TNRC6A: variants seen among roughly 807,000 people sequenced by gnomAD.
The protein encoded by TNRC6A is trinucleotide repeat-containing gene 6A protein.
A neutral mutation model predicts 221.2 loss-of-function variants in TNRC6A; 44 were observed. The observed-to-expected ratio is 0.20, with a 90% CI of 0.16 to 0.26. The LOEUF (loss-of-function observed/expected upper bound fraction) is 0.26, where lower values mean the gene tolerates loss of function less well. Ranked by LOEUF, TNRC6A falls within the 10% of genes least tolerant of loss-of-function variation. TNRC6A has a pLI of 1.00. For synonymous variants in TNRC6A, 847 were observed against 838.5 expected (o/e 1.01, Z -0.18); for missense variants, 2,199 against 2,404.4 (o/e 0.91, Z 1.79).
chr16:24,821,931 C>G lies in TNRC6A; in HGVS notation c.5303-146C>G, dbSNP rs969778821. ...AATGCCTGGCCATGGCTAGGGCGAG[C>G]TGAAATTCTGGGCCTAGGGAGAAAG... On this transcript the variant is annotated intron_variant, in intron 22 of 24. Coordinates refer to ENST00000395799, the MANE Select transcript of TNRC6A (RefSeq NM_014494.4). 9.5e-6 allele frequency: 7 copies of G among 737,454 alleles called. No individual in the cohort carries two copies. The Admixed American group carries it at 1.7e-4, about 17-fold the overall frequency. 45.7% of individuals were successfully genotyped at this position (737,454 alleles called of 1,614,324 possible). A position where few individuals can be genotyped will look rare whatever the true frequency, so the allele number is the denominator to read the frequency against.
In TNRC6A at chr16:24,823,407, T is replaced by C; in HGVS notation, c.5514-25T>C. Reference sequence around the variant, plus strand: ...GCCCTCCTGGTGTGCTGTCCTCACGTGTCCGCGGTGCCTCTCTCCTCTAGG... The same window carrying C: ...GCCCTCCTGGTGTGCTGTCCTCACGCGTCCGCGGTGCCTCTCTCCTCTAGG... On this transcript the variant is annotated intron_variant, in intron 24 of 24. Coordinates refer to ENST00000395799, the MANE Select transcript of TNRC6A (RefSeq NM_014494.4). The surrounding 1 kb of genome is among the most constrained non-coding windows in gnomAD (Gnocchi z 4.3). The C allele has an allele frequency of 6.3e-7, 1 of 1,586,178 alleles. No individual in the cohort carries two copies. The highest frequency in any genetic ancestry group is 8.6e-7 in the Non-Finnish European group (1 of 1,163,724).
intron 5 of TNRC6A, among the ~76,000 whole-genome samples, chr16:24,780,773 GAAAA>G (rs2057824562): frequency 6.7e-6 from 1 of 150,040 alleles, no homozygotes; most frequent in African/African-American, 2.5e-5. Context: ...TTTTTTTAAA[GAAAA>G]AGACATTTGA....
chr16:24,626,915 G>A (rs928478413), intron 1 of TNRC6A, among the ~76,000 whole-genome samples: 2 of 148,676 alleles, frequency 1.3e-5, no homozygotes, highest in Non-Finnish European at 3.0e-5. Flanking sequence ...GCCTCCCAAA[G>A]TGCTGGGATT....
chr16:24,747,238 C>T (rs2057032944), intron 2 of TNRC6A, among the ~76,000 whole-genome samples: 1 of 152,156 alleles, frequency 6.6e-6, no homozygotes, highest in Non-Finnish European at 1.5e-5. Context: ...TTGTAATTAT[C>T]ACTCCAATCA....
chr16:24,641,898 C>T (rs1427997471), intron 2 of TNRC6A, among the ~76,000 whole-genome samples: 1 of 152,076 alleles, frequency 6.6e-6, no homozygotes, highest in African/African-American at 2.4e-5. Flanking sequence ...TGGCAGGTGG[C>T]CAGAGAAGCT....
chr16:24,697,778 A>G (rs2055890974), intron 2 of TNRC6A, among the ~76,000 whole-genome samples: 1 of 152,110 alleles, frequency 6.6e-6, no homozygotes, highest in African/African-American at 2.4e-5. Flanking sequence ...ATGGTGGCTC[A>G]CGCCTGTAAT....
At chr16:24,796,081 T>A (rs2058213825) in intron 9 of TNRC6A, 142 bp downstream of exon 9, 1 of 886,170 alleles carries the variant, frequency 1.1e-6, no homozygotes, top group Non-Finnish European at 1.8e-6. Context: ...GATATGAGTT[T>A]CACCTTTCGG....
chr16:24,669,617 C>T (rs1258960979), intron 2 of TNRC6A, among the ~76,000 whole-genome samples: 2 of 152,066 alleles, frequency 1.3e-5, no homozygotes, highest in Non-Finnish European at 2.9e-5. Flanking sequence ...GTCTTCTCAG[C>T]CTTTGCTCCC....
At chr16:24,640,166 A>G (rs779816609) in intron 1 of TNRC6A, among the ~76,000 whole-genome samples, 10 of 151,886 alleles carry the variant, frequency 6.6e-5, no homozygotes, top group Non-Finnish European at 1.2e-4. Context: ...TTGGGAGGCC[A>G]AGGCAGGTGG....
intron 4 of TNRC6A, among the ~76,000 whole-genome samples, chr16:24,774,237 T>G (rs951676633): frequency 1.3e-5 from 2 of 152,236 alleles, no homozygotes; most frequent in African/African-American, 2.4e-5. Context: ...CTACGTTCAC[T>G]GTTTACTCCT....
chr16:24,630,023 G>A (rs1475266386), intron 1 of TNRC6A, among the ~76,000 whole-genome samples: 1 of 151,800 alleles, frequency 6.6e-6, no homozygotes, highest in Non-Finnish European at 1.5e-5. Context: ...CCATTTTTAA[G>A]TGTCCTACAT....
chr16:24,618,039 A>G (rs1388062319), intron 1 of TNRC6A, among the ~76,000 whole-genome samples: 1 of 152,156 alleles, frequency 6.6e-6, no homozygotes, highest in Non-Finnish European at 1.5e-5. Flanking sequence ...CTGGAATTAC[A>G]GGCGTGCGGC....
chr16:24,703,035 AAAAAT>A (rs71156434), intron 2 of TNRC6A, among the ~76,000 whole-genome samples: 14,432 of 147,692 alleles, frequency 0.098, 994 homozygotes, highest in African/African-American at 0.18. Context: ...ACTCTGTGTC[AAAAAT>A]AAAATAAAAT....
chr16:24,777,078 G>C lies in TNRC6A; in HGVS notation c.309G>C (p.Gln103His), dbSNP rs1272426800. The change falls in exon 5 of 25, where the codon CAG (glutamine) becomes CAC (histidine). Residue 103 changes from glutamine (Q) to histidine (H), a missense_variant. Coordinates refer to ENST00000395799, the MANE Select transcript of TNRC6A (RefSeq NM_014494.4). Reference protein sequence around the residue: ...QQPQQQQQQQQPQQQQPQQQP... With the variant: ...QQPQQQQQQQHPQQQQPQQQP... ...CACAGCAGCAGCAGCAACAGCAGCA[G>C]CCGCAGCAGCAGCAGCCACAGCAGC... The C allele has an allele frequency of 1.2e-6, 2 of 1,605,352 alleles. No homozygotes were observed. The highest frequency in any genetic ancestry group is 1.7e-6 in the Non-Finnish European group (2 of 1,174,210).
chr16:24,730,193 C>T (rs2056595014), intron 1 of TNRC6A, 60 bp from the exon 2 acceptor site: 1 of 1,523,656 alleles, frequency 6.6e-7, no homozygotes, highest in Admixed American at 2.1e-5. Context: ...CGTTTTCACG[C>T]GCATCTCGTT....
chr16:24,647,235 A>G (rs1481960739), intron 2 of TNRC6A, among the ~76,000 whole-genome samples: 2 of 152,080 alleles, frequency 1.3e-5, no homozygotes, highest in Non-Finnish European at 2.9e-5. Flanking sequence ...CCAGCCTAAA[A>G]TATCTTTTTA....
chr16:24,614,149 C>T (rs1900220319), intron 1 of TNRC6A, among the ~76,000 whole-genome samples: 2 of 152,176 alleles, frequency 1.3e-5, no homozygotes, highest in Admixed American at 1.3e-4. Flanking sequence ...ATTGACCAGG[C>T]CACGTGTCTC....
chr16:24,628,596 C>A (rs529055435), intron 1 of TNRC6A, among the ~76,000 whole-genome samples: 45 of 152,208 alleles, frequency 3.0e-4, no homozygotes, highest in African/African-American at 1.0e-3. Context: ...TTATGATGAA[C>A]CACTTCTACT....
intron 2 of TNRC6A, among the ~76,000 whole-genome samples, chr16:24,716,117 G>T (rs1953798115): frequency 6.6e-6 from 1 of 151,492 alleles, no homozygotes; most frequent in Non-Finnish European, 1.5e-5. Context: ...CACTGTGCTT[G>T]GGTTTTCCCT....
Sources: gnomAD v4.1 joint callset for allele counts (sites outside exome capture counted in the v4.1 genomes callset) on GRCh38, gnomAD v4.1.1 for gene constraint, Gnocchi (gnomAD v3.1) non-coding constraint, MANE v1.5 for transcripts, NCBI Gene and HGNC (gene_info 2026-07-23, HGNC 2026-07-21) for gene names.